Variants in NBAS observed in about 807,000 individuals in gnomAD.
NBAS encodes the protein NAG/BC035112 fusion.
In NBAS, 219 loss-of-function variants were observed where a neutral mutation model predicts 302.5. That is an observed-to-expected ratio of 0.72 (90% CI 0.65 to 0.81). NBAS has a LOEUF of 0.81. Among genes scored for constraint, NBAS ranks in the 30% least tolerant of loss-of-function variants. The pLI is 0.00. For missense variants in NBAS, 2,932 were observed against 2,841.6 expected (o/e 1.03, Z -0.72); for synonymous variants, 1,118 against 1,021.6 (o/e 1.09, Z -1.80).
At chr2:15,526,144 G>A (rs1486808366) in intron 9 of NBAS, among the ~76,000 whole-genome samples, 1 of 152,166 alleles carries the variant, frequency 6.6e-6, no homozygotes, top group Non-Finnish European at 1.5e-5. Context: ...TAGAAAAAAA[G>A]ATGGCAGCGA....
chr2:15,528,916 C>T (rs1334801470), intron 9 of NBAS, among the ~76,000 whole-genome samples: 6 of 52,350 alleles, frequency 1.1e-4, no homozygotes, highest in Admixed American at 5.8e-4. Context: ...TATATATATA[C>T]ACACACACAT....
chr2:15,022,073 C>T, the NBAS span, among the ~76,000 whole-genome samples: 1 of 152,116 alleles, frequency 6.6e-6, no homozygotes, highest in African/African-American at 2.4e-5. Flanking sequence ...AGAAGTTGAG[C>T]CACCATGCAG....
chr2:14,946,097 C>A, the NBAS span, among the ~76,000 whole-genome samples: 1 of 151,960 alleles, frequency 6.6e-6, no homozygotes, highest in Non-Finnish European at 1.5e-5. Context: ...CTTCAAAAGA[C>A]CAAATCTAAG....
At chr2:15,272,627 A>G (rs1328775826) in intron 44 of NBAS, among the ~76,000 whole-genome samples, 1 of 152,256 alleles carries the variant, frequency 6.6e-6, no homozygotes, top group Non-Finnish European at 1.5e-5. Flanking sequence ...TTTTAAATGT[A>G]TCTGTCTCAC....
At chr2:15,058,774 C>T in the NBAS span, among the ~76,000 whole-genome samples, 1 of 152,178 alleles carries the variant, frequency 6.6e-6, no homozygotes, top group Admixed American at 6.5e-5. Flanking sequence ...CTCCACTTTC[C>T]CTCCTCTGTA....
chr2:15,047,319 T>C, the NBAS span, among the ~76,000 whole-genome samples: 3 of 152,240 alleles, frequency 2.0e-5, no homozygotes, highest in South Asian at 2.1e-4. Context: ...GAGAGGCCCA[T>C]TGGCTGAGGC....
intron 51 of NBAS, among the ~76,000 whole-genome samples, chr2:15,176,165 C>T (rs1200868054): frequency 4.6e-5 from 7 of 152,280 alleles, no homozygotes; most frequent in South Asian, 4.1e-4. Context: ...AACAGCTAGA[C>T]GTGAGTCGGG....
At chr2:15,342,681 T>C (rs1672909410) in intron 35 of NBAS, among the ~76,000 whole-genome samples, 1 of 151,964 alleles carries the variant, frequency 6.6e-6, no homozygotes, top group Non-Finnish European at 1.5e-5. Context: ...TCACATATAT[T>C]AATGTATTGT....
chr2:15,031,562 A>C, the NBAS span, among the ~76,000 whole-genome samples: 4 of 152,174 alleles, frequency 2.6e-5, no homozygotes, highest in African/African-American at 9.6e-5. Flanking sequence ...AGAGAGAAAA[A>C]GCTGGAGAAC....
the NBAS span, among the ~76,000 whole-genome samples, chr2:15,095,222 G>A: frequency 6.6e-6 from 1 of 152,142 alleles, no homozygotes; most frequent in African/African-American, 2.4e-5. Context: ...TATAGATGTA[G>A]TGTTTTAGCT....
the NBAS span, among the ~76,000 whole-genome samples, chr2:15,033,242 C>T: frequency 6.6e-6 from 1 of 152,204 alleles, no homozygotes; most frequent in Admixed American, 6.5e-5. Flanking sequence ...TCCTATTTCT[C>T]CCTTTTGAAC....
the NBAS span, among the ~76,000 whole-genome samples, chr2:15,138,634 G>A: frequency 1.3e-5 from 2 of 151,864 alleles, no homozygotes; most frequent in Non-Finnish European, 2.9e-5. Flanking sequence ...TCTAAACTCA[G>A]ACCTCAGAAT....
chr2:15,437,003 G>A (rs760714079), intron 21 of NBAS, among the ~76,000 whole-genome samples: 23 of 152,246 alleles, frequency 1.5e-4, no homozygotes, highest in African/African-American at 3.6e-4. Context: ...AAGGGTATAC[G>A]CAATGCTTTC....
At chr2:14,820,708 CAAG>C in the NBAS span, among the ~76,000 whole-genome samples, 8 of 152,102 alleles carry the variant, frequency 5.3e-5, no homozygotes, top group Non-Finnish European at 1.2e-4. Flanking sequence ...CAGGAACTTT[CAAG>C]AAGAAGGGCA....
At chr2:15,119,033 G>T in the NBAS span, among the ~76,000 whole-genome samples, 2 of 152,176 alleles carry the variant, frequency 1.3e-5, no homozygotes, top group African/African-American at 4.8e-5. Flanking sequence ...AGGTGTGCTG[G>T]CCTCAGGGGT....
At chr2:14,793,068 TTCTCTC>T in the NBAS span, among the ~76,000 whole-genome samples, 144 of 147,328 alleles carry the variant, frequency 9.8e-4, 2 homozygotes, top group South Asian at 9.7e-3. Flanking sequence ...CTGTCTCTGT[TTCTCTC>T]TCTCTCTCTC....
At chr2:15,498,621 T>A (rs899887333) in intron 11 of NBAS, among the ~76,000 whole-genome samples, 2 of 152,124 alleles carry the variant, frequency 1.3e-5, no homozygotes, top group Non-Finnish European at 2.9e-5. Context: ...CCAAATCCCA[T>A]GTCAAATTGG....
intron 1 of NBAS, among the ~76,000 whole-genome samples, 172 bp downstream of exon 1, chr2:15,561,016 C>T (rs1246472314): frequency 6.6e-6 from 1 of 151,192 alleles, no homozygotes; most frequent in African/African-American, 2.4e-5. Context: ...CACCCCACCC[C>T]GCCCTAGACC....
At chr2:15,025,725 A>G in the NBAS span, among the ~76,000 whole-genome samples, 117,087 of 151,964 alleles carry the variant, frequency 0.77, 45,371 homozygotes, top group East Asian at 1. Flanking sequence ...TTTTGTGACA[A>G]TTCTGAAAGA....
Sources: allele counts gnomAD v4.1 joint callset (sites outside exome capture counted in the v4.1 genomes callset), GRCh38; gene constraint gnomAD v4.1.1; transcripts MANE v1.5; gene names NCBI Gene and HGNC (gene_info 2026-07-23, HGNC 2026-07-21).